MRPL22: variants seen among roughly 807,000 people sequenced by gnomAD.
The protein encoded by MRPL22 is large ribosomal subunit protein uL22m.
In MRPL22, 27 loss-of-function variants were observed where a neutral mutation model predicts 32.4. The observed-to-expected ratio is 0.83, with a 90% CI of 0.61 to 1.15. The LOEUF is 1.15. Ranked by LOEUF, MRPL22 falls within the 50% of genes most tolerant of loss-of-function variation. MRPL22 has a pLI of 0.00. For synonymous variants in MRPL22, 86 were observed against 87.3 expected (o/e 0.99, Z 0.08); for missense variants, 239 against 260.2 (o/e 0.92, Z 0.56).
chr5:154,942,674 C>T (rs1458929149), intron 2 of MRPL22, among the ~76,000 whole-genome samples: 3 of 152,238 alleles, frequency 2.0e-5, no homozygotes, highest in Non-Finnish European at 2.9e-5. Flanking sequence ...TCACTGGTTT[C>T]TCTAAAACGG....
chr5:154,958,561 T>C (rs896857104), intron 5 of MRPL22, among the ~76,000 whole-genome samples: 39 of 139,300 alleles, frequency 2.8e-4, no homozygotes, highest in Non-Finnish European at 4.6e-4. Flanking sequence ...TTTTTTTTTT[T>C]TGAGATGGAG....
chr5:154,962,375 CTA>C (rs1313381369), intron 6 of MRPL22, among the ~76,000 whole-genome samples: 1 of 152,146 alleles, frequency 6.6e-6, no homozygotes, highest in African/African-American at 2.4e-5. Flanking sequence ...GTTTAATAAA[CTA>C]TTGATTCTTA....
chr5:154,966,724 A>T lies in MRPL22; in HGVS notation c.448A>T (p.Ile150Phe), dbSNP rs1294538837. ...AGGACGAGGCCAGTGCCTGAAACGC[A>T]TCCGCTACCATGGCAGAGGTCGCTT... The part of the protein sequence containing the change: ...TSGRGQCLKR[I>F]RYHGRGRFGI... Residue 150 changes from isoleucine to phenylalanine, a missense_variant, in exon 7 of 7, where the codon ATC becomes TTC. By Grantham distance (21) the Ile-to-Phe change is conservative. Transcript: ENST00000523037. 1 of 1,614,066 alleles carries T rather than the reference A, an allele frequency of 6.2e-7. No individual in the cohort carries two copies. The highest frequency in any genetic ancestry group is 1.3e-5 in the African/African-American group (1 of 74,938).
chr5:154,942,512 C>G (rs552902672), intron 2 of MRPL22, among the ~76,000 whole-genome samples: 51 of 152,132 alleles, frequency 3.4e-4, no homozygotes, highest in Non-Finnish European at 6.5e-4. Context: ...ATCACTCTTC[C>G]CCCAACCATG....
chr5:154,949,885 TTC>T (rs1764535687), intron 2 of MRPL22, among the ~76,000 whole-genome samples: 1 of 152,180 alleles, frequency 6.6e-6, no homozygotes, highest in Non-Finnish European at 1.5e-5. Context: ...ACTTAACAAA[TTC>T]TCTGACTCAG....
At chr5:154,954,320 A>C (rs1324371895) in intron 3 of MRPL22, among the ~76,000 whole-genome samples, 2 of 152,202 alleles carry the variant, frequency 1.3e-5, no homozygotes, top group African/African-American at 2.4e-5. Context: ...CTTTTTCCTC[A>C]TTTGAATTAT....
At chr5:154,965,212 A>T (rs1764750407) in intron 6 of MRPL22, among the ~76,000 whole-genome samples, 1 of 152,228 alleles carries the variant, frequency 6.6e-6, no homozygotes, top group South Asian at 2.1e-4. Context: ...ACTTTGGTAT[A>T]GTCCCTATAT....
chr5:154,950,765 T>C (rs762635423), intron 2 of MRPL22, 56 bp from the exon 3 acceptor site: 6 of 1,119,478 alleles, frequency 5.4e-6, no homozygotes, highest in Non-Finnish European at 8.1e-6. Context: ...ATATGTAAAC[T>C]CTACAGAAAG....
chr5:154,951,975 C>T (rs4958772), intron 3 of MRPL22, among the ~76,000 whole-genome samples: 5,197 of 151,248 alleles, frequency 0.034, 120 homozygotes, highest in African/African-American at 0.07. Flanking sequence ...CTCTGCCTCC[C>T]GGGTTCACGC....
chr5:154,969,103 C>CCCA lies in MRPL22; in HGVS notation c.*2209_*2211dup, dbSNP rs1183209558. The stretch of plus-strand genomic sequence containing the variant: ...CAGTGATATGGTTTGGCTCTGTGTT[C>CCCA]CCACCCAATCTTATCTCAAATTGTA... On this transcript the variant is annotated 3_prime_UTR_variant, in exon 7 of 7. Transcript: ENST00000523037. 1.3e-5 allele frequency: 2 copies of CCCA among 152,166 alleles called. No homozygotes were observed. Among genetic ancestry groups the CCCA allele is most frequent in the Non-Finnish European group, 2.9e-5 (2 of 68,034 alleles). 9.4% of individuals were successfully genotyped at this position (152,166 alleles called of 1,614,324 possible). A position where few individuals can be genotyped will look rare whatever the true frequency, so the allele number is the denominator to read the frequency against.
chr5:154,949,514 T>C (rs983221757), intron 2 of MRPL22, among the ~76,000 whole-genome samples: 1 of 152,178 alleles, frequency 6.6e-6, no homozygotes, highest in Non-Finnish European at 1.5e-5. Flanking sequence ...CTAGAGGCTA[T>C]TGCTATATAG....
At chr5:154,961,896 T>A (rs1360808852) in intron 6 of MRPL22, among the ~76,000 whole-genome samples, 2 of 152,116 alleles carry the variant, frequency 1.3e-5, no homozygotes, top group South Asian at 4.1e-4. Flanking sequence ...CTTAGATGCC[T>A]ATGCTGGTCT....
intron 6 of MRPL22, 27 bp from the exon 7 acceptor site, chr5:154,966,659 T>C: frequency 6.2e-7 from 1 of 1,610,334 alleles, no homozygotes; most frequent in Non-Finnish European, 8.5e-7. Context: ...ACTCATTTCC[T>C]GTAATTCTCT....
rs573134537 is a variant in MRPL22, at chr5:154,953,362, G to GA, written c.195+2450dup. Among the ~76,000 whole-genome samples the GA allele has an allele frequency of 8.7e-3, 600 of 69,258 alleles. 31 individuals carry two copies. Among genetic ancestry groups the GA allele is most frequent in the Middle Eastern group, 0.013 (1 of 78 alleles). The allele number at this position is 69,258 out of a possible 152,430, so 45.4% of individuals were successfully genotyped here. A position where few individuals can be genotyped will look rare whatever the true frequency, so the allele number is the denominator to read the frequency against. On this transcript the variant is annotated intron_variant, in intron 3 of 6. Transcript: ENST00000523037. ...GACAGAGCGAGACTCCGTCTCAGGA[G>GA]AAAAAAAAAAAAAAAAAAAAAAAAA...
At chr5:154,946,947 C>T (rs1764499938) in intron 2 of MRPL22, among the ~76,000 whole-genome samples, 1 of 152,118 alleles carries the variant, frequency 6.6e-6, no homozygotes, top group African/African-American at 2.4e-5. Flanking sequence ...CGTGAGCCAC[C>T]ATACTTGGCC....
intron 2 of MRPL22, among the ~76,000 whole-genome samples, chr5:154,944,990 C>T (rs1288130602): frequency 1.3e-5 from 2 of 152,118 alleles, no homozygotes; most frequent in African/African-American, 4.8e-5. Flanking sequence ...CATATAGAGC[C>T]TTATTATTTT....
chr5:154,960,391 A>G (rs778667357), intron 6 of MRPL22, among the ~76,000 whole-genome samples: 37 of 152,224 alleles, frequency 2.4e-4, no homozygotes, highest in Admixed American at 6.5e-4. Context: ...TTTGTCAACC[A>G]GAAGGAGGTA....
chr5:154,948,239 C>T (rs1764517061), intron 2 of MRPL22, among the ~76,000 whole-genome samples: 1 of 152,138 alleles, frequency 6.6e-6, no homozygotes, highest in Non-Finnish European at 1.5e-5. Flanking sequence ...AAACACTCCC[C>T]CCACTGTATC....
chr5:154,941,425 C>G (rs1309905453), intron 2 of MRPL22, among the ~76,000 whole-genome samples, 160 bp downstream of exon 2: 1 of 152,134 alleles, frequency 6.6e-6, no homozygotes, highest in Non-Finnish European at 1.5e-5. Context: ...TATTTTTTCT[C>G]CACCTTATTG....
Sources: allele counts gnomAD v4.1 joint callset (sites outside exome capture counted in the v4.1 genomes callset), GRCh38; gene constraint gnomAD v4.1.1; transcripts MANE v1.5; gene names NCBI Gene and HGNC (gene_info 2026-07-23, HGNC 2026-07-21).